RANBP2: variants seen among roughly 807,000 people sequenced by gnomAD.
RANBP2 encodes the protein RAN binding protein 2, also known as E3 SUMO-protein ligase RanBP2.
Under a neutral mutation model 303.6 loss-of-function variants are expected in RANBP2, and 57 were observed. That is an observed-to-expected ratio of 0.19 (90% confidence interval 0.15 to 0.23). RANBP2 has a LOEUF of 0.23. Among genes scored for constraint, RANBP2 ranks in the 10% least tolerant of loss-of-function variants. The pLI is 1.00. For synonymous variants in RANBP2, 1,167 were observed against 1,301.5 expected, an observed-to-expected ratio of 0.90 and a Z score of 2.23; for missense variants, 3,138 against 3,780.8, an observed-to-expected ratio of 0.83 and a Z score of 4.46.
chr2:108,912,649 G>T, the RANBP2 span: 1 of 1,554,704 alleles, frequency 6.4e-7, no homozygotes, highest in Non-Finnish European at 8.7e-7. Context: ...CCTAACTCCA[G>T]GTGATCGATA....
chr2:108,978,845 C>T, the RANBP2 span, among the ~76,000 whole-genome samples: 1 of 152,162 alleles, frequency 6.6e-6, no homozygotes, highest in Non-Finnish European at 1.5e-5. Context: ...AGCTGCAAAT[C>T]TGGTTAAATT....
At chr2:108,827,521 A>G in the RANBP2 span, among the ~76,000 whole-genome samples, 2 of 152,226 alleles carry the variant, frequency 1.3e-5, no homozygotes, top group Non-Finnish European at 2.9e-5. Flanking sequence ...AAATGTAACA[A>G]TAAAAATGAT....
At chr2:109,215,738 C>T in the RANBP2 span, among the ~76,000 whole-genome samples, 1 of 152,190 alleles carries the variant, frequency 6.6e-6, no homozygotes, top group African/African-American at 2.4e-5. Context: ...ACTGCTAGGA[C>T]ATCTAATGGG....
rs969517784 is a variant in RANBP2, at chr2:108,765,047, A to T, written c.4508A>T (p.Gln1503Leu). Residue 1503 changes from glutamine (Q) to leucine (L), a missense_variant, in exon 20 of 29, where the codon CAG becomes CTG. Transcript: ENST00000283195. Reference sequence around the variant, plus strand: ...AGCTCTACAAAATGTGCTGCTTGTCAGAATCCGAGAAAACAGAGTCTACCT... The same window carrying T: ...AGCTCTACAAAATGTGCTGCTTGTCTGAATCCGAGAAAACAGAGTCTACCT... ...EGSSTKCAAC[Q>L]NPRKQSLPAT... The T allele has an allele frequency of 1.2e-6, 2 of 1,613,922 alleles. No homozygotes were observed. The highest frequency in any genetic ancestry group is 1.7e-5 in the Admixed American group (1 of 59,982).
the RANBP2 span, among the ~76,000 whole-genome samples, chr2:108,875,268 A>G: frequency 1.3e-5 from 2 of 151,632 alleles, no homozygotes; most frequent in Non-Finnish European, 2.9e-5. Context: ...ACGTATACAT[A>G]TGTAACTAAC....
the RANBP2 span, among the ~76,000 whole-genome samples, chr2:109,177,187 G>A: frequency 6.6e-6 from 1 of 152,194 alleles, no homozygotes; most frequent in Non-Finnish European, 1.5e-5. Context: ...TCAGAATAAG[G>A]GGGACTGTGT....
chr2:109,241,231 G>A, the RANBP2 span, among the ~76,000 whole-genome samples: 2 of 147,052 alleles, frequency 1.4e-5, no homozygotes, highest in African/African-American at 5.1e-5. Context: ...TTTGTCTCTT[G>A]ACCTAACAAT....
chr2:108,849,472 C>A, the RANBP2 span, among the ~76,000 whole-genome samples: 2 of 152,120 alleles, frequency 1.3e-5, no homozygotes, highest in Non-Finnish European at 2.9e-5. Context: ...AATACTGCCT[C>A]CCATGGTGAC....
the RANBP2 span, among the ~76,000 whole-genome samples, chr2:109,304,811 T>C: frequency 6.6e-6 from 1 of 152,102 alleles, no homozygotes; most frequent in Non-Finnish European, 1.5e-5. Context: ...AGCTGTGAAT[T>C]GCTAGATTAG....
the RANBP2 span, among the ~76,000 whole-genome samples, chr2:109,735,101 G>A: frequency 6.6e-5 from 10 of 152,192 alleles, 1 homozygote; most frequent in South Asian, 4.1e-4. Context: ...GCATTAGAAC[G>A]TTTTCCTTCT....
chr2:108,735,990 C>T (rs968032090), intron 5 of RANBP2, 114 bp from the exon 6 acceptor site: 8 of 1,602,910 alleles, frequency 5.0e-6, no homozygotes, highest in Non-Finnish European at 6.8e-6. Flanking sequence ...ATATAAAAAT[C>T]AATATAGTTT....
At chr2:108,728,444 C>G (rs1445346335) in intron 1 of RANBP2, among the ~76,000 whole-genome samples, 2 of 152,068 alleles carry the variant, frequency 1.3e-5, no homozygotes, top group Non-Finnish European at 2.9e-5. Context: ...CAGGCATGCT[C>G]CACTATGCCT....
the RANBP2 span, among the ~76,000 whole-genome samples, chr2:109,587,757 C>T: frequency 6.6e-6 from 1 of 151,816 alleles, no homozygotes; most frequent in African/African-American, 2.4e-5. Flanking sequence ...ACTAAAAATA[C>T]AAAAAATTAG....
the RANBP2 span, among the ~76,000 whole-genome samples, chr2:109,732,480 CT>C: frequency 2.7e-3 from 371 of 138,188 alleles, no homozygotes; most frequent in Admixed American, 2.8e-3. Flanking sequence ...ACACCTTCAT[CT>C]TTTTTTTTTT....
At chr2:108,974,662 G>A in the RANBP2 span, among the ~76,000 whole-genome samples, 18 of 152,050 alleles carry the variant, frequency 1.2e-4, no homozygotes, top group African/African-American at 1.9e-4. Context: ...CCCGGCAGGC[G>A]AAGGTTTCAG....
At chr2:108,913,392 A>G in the RANBP2 span, among the ~76,000 whole-genome samples, 1 of 152,208 alleles carries the variant, frequency 6.6e-6, no homozygotes, top group Non-Finnish European at 1.5e-5. Context: ...AATAAGCAAC[A>G]TAGAGTGTGT....
At chr2:109,164,511 C>A in the RANBP2 span, among the ~76,000 whole-genome samples, 1 of 152,160 alleles carries the variant, frequency 6.6e-6, no homozygotes, top group African/African-American at 2.4e-5. Flanking sequence ...TCTGTAGACT[C>A]TTCGGCCAAG....
the RANBP2 span, among the ~76,000 whole-genome samples, chr2:109,406,869 G>A: frequency 1.3e-5 from 2 of 151,218 alleles, no homozygotes; most frequent in African/African-American, 2.5e-5. Flanking sequence ...TTACAGCCCC[G>A]CCCTGTTGAG....
chr2:109,681,907 T>G, the RANBP2 span, among the ~76,000 whole-genome samples: 1 of 152,216 alleles, frequency 6.6e-6, no homozygotes, highest in South Asian at 2.1e-4. Flanking sequence ...AGTAGAGAGG[T>G]GGCCTCTCTT....
Sources: gnomAD v4.1 joint callset for allele counts (sites outside exome capture counted in the v4.1 genomes callset) on GRCh38, gnomAD v4.1.1 for gene constraint, MANE v1.5 for transcripts, NCBI Gene and HGNC (gene_info 2026-07-23, HGNC 2026-07-21) for gene names.